The following SAMD11 variants were observed in gnomAD, a reference collection of about 807,000 sequenced individuals.
SAMD11 encodes sterile alpha motif domain-containing protein 11.
SAMD11 carries 77 observed loss-of-function variants against 64.4 expected under a neutral mutation model. That is an observed-to-expected ratio of 1.20 (90% CI 0.99 to 1.44). The LOEUF is 1.44. Ranked by LOEUF, SAMD11 falls within the 40% of genes most tolerant of loss-of-function variation. The pLI is 0.00. For synonymous variants in SAMD11, 658 were observed against 421.9 expected, an observed-to-expected ratio of 1.56 and a Z score of -6.86; for missense variants, 1,402 against 943.3, an observed-to-expected ratio of 1.49 and a Z score of -6.37.
At chr1:925,739 C>T (rs925345761) in intron 1 of SAMD11, 183 bp from the exon 2 acceptor site, 8 of 588,570 alleles carry the variant, frequency 1.4e-5, no homozygotes, top group Admixed American at 2.5e-5. Context: ...TTGCAGAGCC[C>T]AGCAGATCCC....
rs950065608 is a variant in SAMD11 at position 944,454 on chromosome 1, CCCCCGCGGAGCTGACTTCAGCAG to C, written c.*305_*327del. On this transcript the variant is annotated 3_prime_UTR_variant, in exon 14 of 14. Transcript: ENST00000616016. ...CGGTCTGCTGACGTCAGGGTCAGCT[CCCCCGCGGAGCTGACTTCAGCAG>C]CCCACAGCTGTGGGGCTTCAGCAGC... 28 of 866,614 alleles carry C rather than the reference CCCCCGCGGAGCTGACTTCAGCAG, an allele frequency of 3.2e-5. No individual in the cohort carries two copies. Among genetic ancestry groups the C allele is most frequent in the Admixed American group, 1.5e-4 (4 of 27,220 alleles). The allele number at this position is 866,614 out of a possible 1,614,324, so 53.7% of individuals were successfully genotyped here. A position where few individuals can be genotyped will look rare whatever the true frequency, so the allele number is the denominator to read the frequency against.
chr1:942,716 C>G lies in SAMD11; in HGVS notation c.1711C>G (p.Leu571Val), dbSNP rs1008497590. The change falls in exon 11 of 14, where the codon CTG (leucine) becomes GTG (valine). Residue 571 changes from leucine (L) to valine (V), a missense_variant. Transcript: ENST00000616016. ...GCTGAACCACGGCGCGGCGCCACTGCTGGCCCTGCCCCCCCAGGGGCCCCC... is the reference window on the plus strand; with the variant it reads ...GCTGAACCACGGCGCGGCGCCACTGGTGGCCCTGCCCCCCCAGGGGCCCCC... Reference protein sequence around the residue: ...LVLNHGAAPLLALPPQGPPGS... With the variant: ...LVLNHGAAPLVALPPQGPPGS... 1.4e-6 allele frequency: 2 copies of G among 1,456,774 alleles called. No homozygotes were observed. Among genetic ancestry groups the G allele is most frequent in the South Asian group, 1.4e-5 (1 of 71,728 alleles). The allele number at this position is 1,456,774 out of a possible 1,614,324, so 90.2% of individuals were successfully genotyped here. A position where few individuals can be genotyped will look rare whatever the true frequency, so the allele number is the denominator to read the frequency against.
chr1:938,784 T>A (rs1015817937), intron 5 of SAMD11, among the ~76,000 whole-genome samples: 2 of 152,156 alleles, frequency 1.3e-5, no homozygotes, highest in African/African-American at 4.8e-5. Flanking sequence ...GGCAGCTGGG[T>A]GCCTGCTGTG....
intron 4 of SAMD11, among the ~76,000 whole-genome samples, 161 bp downstream of exon 4, chr1:931,250 T>TC (rs1453361361): frequency 1.3e-5 from 2 of 150,612 alleles, no homozygotes; most frequent in Non-Finnish European, 2.9e-5. Flanking sequence ...TGCAAGGTTG[T>TC]CCCCCATCCC....
chr1:943,566 T>G, intron 12 of SAMD11, 132 bp from the exon 13 acceptor site: 3 of 875,414 alleles, frequency 3.4e-6, no homozygotes, highest in East Asian at 3.0e-5. Context: ...GTTTTCTGCC[T>G]GACACTCAAA....
Position 943,397 on chromosome 1 carries a change from C to A in SAMD11, c.2178+20C>A. The A allele has an allele frequency of 6.6e-7, 1 of 1,513,936 alleles. No individual in the cohort carries two copies. 93.8% of individuals were successfully genotyped at this position (1,513,936 alleles called of 1,614,324 possible). The stretch of plus-strand genomic sequence containing the variant: ...ACTCGGGTAAGGGGGGGCCCCAGTT[C>A]CTGGGGCGGGGCTGGAGCTGGCTGG... On this transcript the variant is annotated intron_variant, in intron 12 of 13. Coordinates refer to ENST00000616016, the MANE Select transcript of SAMD11 (RefSeq NM_001385641.1).
In SAMD11 at chr1:944,083, C is replaced by T; in HGVS notation, c.2465C>T (p.Ser822Leu). 2 of 1,612,536 alleles carry T rather than the reference C, an allele frequency of 1.2e-6. No individual in the cohort carries two copies. Among genetic ancestry groups the T allele is most frequent in the Non-Finnish European group, 1.7e-6 (2 of 1,179,886 alleles). The change falls in exon 14 of 14, where the codon TCA (serine) becomes TTA (leucine). Residue 822 changes from serine to leucine, a missense_variant. Ser to Leu is a moderately radical substitution (Grantham distance 145). Transcript: ENST00000616016. ...GGCCACGCCCTTGCCGGTCAAACTT[C>T]ACCCAAGCAGGAGAATGGGACCTTG... ...GGGHALAGQT[S>L]PKQENGTLAL...
chr1:932,387 G>A (rs2100315074), intron 4 of SAMD11, among the ~76,000 whole-genome samples: 1 of 152,318 alleles, frequency 6.6e-6, no homozygotes, highest in South Asian at 2.1e-4. Context: ...CTAGGAAGAG[G>A]CCAGGTCTTC....
Position 944,318 on chromosome 1 carries a change from G to C in SAMD11, c.*165G>C. On this transcript the variant is annotated 3_prime_UTR_variant, in exon 14 of 14. Transcript: ENST00000616016. ...AAAGGAACAAATTTTCAAAGACTTG[G>C]GGGAGTGAAGGCAGAGCCTGGTGCA... The C allele has an allele frequency of 7.2e-7, 1 of 1,390,000 alleles. No homozygotes were observed. The highest frequency in any genetic ancestry group is 9.3e-7 in the Non-Finnish European group (1 of 1,079,010). The allele number at this position is 1,390,000 out of a possible 1,614,324, so 86.1% of individuals were successfully genotyped here.
chr1:933,916 T>C (rs1293996319), intron 4 of SAMD11, among the ~76,000 whole-genome samples: 2 of 152,048 alleles, frequency 1.3e-5, no homozygotes, highest in African/African-American at 4.8e-5. Context: ...AGCCGGGAGC[T>C]ATTTAACGAG....
chr1:942,143 C>A lies in SAMD11; in HGVS notation c.1366C>A (p.Pro456Thr). The A allele has an allele frequency of 1.5e-6, 2 of 1,361,802 alleles. No homozygotes were observed. The highest frequency in any genetic ancestry group is 2.0e-6 in the Non-Finnish European group (2 of 1,021,228). 84.4% of individuals were successfully genotyped at this position (1,361,802 alleles called of 1,614,324 possible). A position where few individuals can be genotyped will look rare whatever the true frequency, so the allele number is the denominator to read the frequency against. The change falls in exon 9 of 14, where the codon CCT (proline) becomes ACT (threonine). Residue 456 changes from proline to threonine, a missense_variant. Coordinates refer to ENST00000616016, the MANE Select transcript of SAMD11 (RefSeq NM_001385641.1). ...AAPSFSEREL[P>T]QPPPLLSPQN... ...TTGCGCTGCCGTCCACAGGGAGCTG[C>A]CTCAGCCGCCCCCCTTGCTGTCGCC...
At chr1:943,618 C>CAA in intron 12 of SAMD11, 80 bp from the exon 13 acceptor site, 2 of 1,398,314 alleles carry the variant, frequency 1.4e-6, no homozygotes, top group Non-Finnish European at 1.9e-6. Context: ...GTGAGCTGCA[C>CAA]AAACAGCTCC....
chr1:942,730 C>G lies in SAMD11; in HGVS notation c.1725C>G (p.Pro575=), dbSNP rs758006081. ...HGAAPLLALP[P]QGPPGSGPPT... ...CGGCGCCACTGCTGGCCCTGCCCCCCCAGGGGCCCCCGGGCTCCGGACCCC... is the reference window on the plus strand; with the variant it reads ...CGGCGCCACTGCTGGCCCTGCCCCCGCAGGGGCCCCCGGGCTCCGGACCCC... The change falls in exon 11 of 14, where the codon CCC becomes CCG. Residue 575 remains proline, a synonymous_variant. Coordinates refer to ENST00000616016, the MANE Select transcript of SAMD11 (RefSeq NM_001385641.1). 69 of 1,471,810 alleles carry G rather than the reference C, an allele frequency of 4.7e-5. No homozygotes were observed. Among genetic ancestry groups the G allele is most frequent in the Admixed American group, 1.3e-4 (5 of 38,980 alleles). 91.2% of individuals were successfully genotyped at this position (1,471,810 alleles called of 1,614,324 possible).
Position 939,287 on chromosome 1 carries a change from T to C in SAMD11, c.1070T>C (p.Leu357Pro), listed in dbSNP as rs1157613686. ...TCCTCCCCAGCAGAGGCGCTGCTGCTGCCGCGGGAGCTGGGGCCCAGCATG... is the reference window on the plus strand; with the variant it reads ...TCCTCCCCAGCAGAGGCGCTGCTGCCGCCGCGGGAGCTGGGGCCCAGCATG... ...RSESPQEALLLPRELGPSMAP... is the reference protein window; with the variant it reads ...RSESPQEALLPPRELGPSMAP... The change falls in exon 7 of 14, where the codon CTG (leucine) becomes CCG (proline). Residue 357 changes from leucine (L) to proline (P), a missense_variant. By Grantham distance (98) the Leu-to-Pro change is moderately conservative (BLOSUM62 -3). Transcript: ENST00000616016. 1.1e-5 allele frequency: 17 copies of C among 1,605,752 alleles called. No homozygotes were observed. The East Asian group carries it at 2.0e-4, about 19-fold the overall frequency.
chr1:927,009 A>G (rs6693546), intron 2 of SAMD11, among the ~76,000 whole-genome samples: 117,562 of 151,400 alleles, frequency 0.78, 49,694 homozygotes, highest in Non-Finnish European at 0.96. Context: ...GTAGCCAGGG[A>G]GCTGGGCGGC....
Position 924,500 on chromosome 1 carries a change from G to T in SAMD11, c.69G>T (p.Pro23=). The change falls in exon 1 of 14, where the codon CCG becomes CCT. Residue 23 remains proline (P), a synonymous_variant. Transcript: ENST00000616016. ...DLALALATFH[P]TLAALPLPPL... Reference sequence around the variant, plus strand: ...CCCTGGCTCTGGCCACGTTCCACCCGACCCTGGCCGCGCTGCCGCTGCCGC... The same window carrying T: ...CCCTGGCTCTGGCCACGTTCCACCCTACCCTGGCCGCGCTGCCGCTGCCGC... The T allele has an allele frequency of 6.7e-6, 1 of 149,892 alleles. No individual in the cohort carries two copies. The highest frequency in any genetic ancestry group is 1.9e-4 in the South Asian group (1 of 5,208). The allele number at this position is 149,892 out of a possible 1,614,324, so 9.3% of individuals were successfully genotyped here.
intron 12 of SAMD11, 70 bp downstream of exon 12, chr1:943,447 T>A: frequency 7.4e-7 from 1 of 1,351,010 alleles, no homozygotes; most frequent in African/African-American, 1.5e-5. Flanking sequence ...CTGGAAAGGA[T>A]GGTGGGGTAG....
Position 935,834 on chromosome 1 carries a change from C to T in SAMD11, c.905C>T (p.Pro302Leu). The T allele has an allele frequency of 1.2e-6, 2 of 1,613,410 alleles. No individual in the cohort carries two copies. The highest frequency in any genetic ancestry group is 2.2e-5 in the South Asian group (2 of 91,082). ...SVHRSRHLVM[P>L]EHQSRCEFQR... Reference sequence around the variant, plus strand: ...CACCGCAGCCGCCACCTCGTTATGCCCGAGCATCAGAGCCGCTGTGAATTC... The same window carrying T: ...CACCGCAGCCGCCACCTCGTTATGCTCGAGCATCAGAGCCGCTGTGAATTC... Residue 302 changes from proline to leucine, a missense_variant, in exon 5 of 14, where the codon CCC becomes CTC. Coordinates refer to ENST00000616016, the MANE Select transcript of SAMD11 (RefSeq NM_001385641.1).
rs754622280 is a variant in SAMD11 at position 944,203 on chromosome 1, T to C, written c.*50T>C. On this transcript the variant is annotated 3_prime_UTR_variant, in exon 14 of 14. Coordinates refer to ENST00000616016, the MANE Select transcript of SAMD11 (RefSeq NM_001385641.1). ...CACACAAATCTCCAGGAGCCACCAC[T>C]CAACACAATGGCCCTGCCTCCCACC... is the stretch of plus-strand genomic sequence containing the variant. 2.7e-6 allele frequency: 4 copies of C among 1,497,308 alleles called. No homozygotes were observed. In the East Asian group the frequency reaches 9.3e-5, roughly 35 times the overall value. 92.8% of individuals were successfully genotyped at this position (1,497,308 alleles called of 1,614,324 possible). A position where few individuals can be genotyped will look rare whatever the true frequency, so the allele number is the denominator to read the frequency against.
Sources: allele counts gnomAD v4.1 joint callset (sites outside exome capture counted in the v4.1 genomes callset), GRCh38; gene constraint gnomAD v4.1.1; transcripts MANE v1.5; gene names NCBI Gene and HGNC (gene_info 2026-07-23, HGNC 2026-07-21).